NAPB: variants seen among roughly 807,000 people sequenced by gnomAD.
NAPB encodes NSF attachment protein beta.
A neutral mutation model predicts 44.7 loss-of-function variants in NAPB; 26 were observed. That is an observed-to-expected ratio of 0.58 (90% CI 0.43 to 0.81). The LOEUF (loss-of-function observed/expected upper bound fraction) is 0.81. Ranked by LOEUF, NAPB falls within the 30% of genes least tolerant of loss-of-function variation. NAPB has a pLI of 0.00. For synonymous variants in NAPB, 120 were observed against 116.8 expected (o/e 1.03, Z -0.18); for missense variants, 315 against 356.4 (o/e 0.88, Z 0.94).
intron 7 of NAPB, among the ~76,000 whole-genome samples, chr20:23,387,795 T>C (rs568381766): frequency 1.3e-5 from 2 of 152,338 alleles, no homozygotes; most frequent in South Asian, 2.1e-4. Flanking sequence ...CTTAGTATTG[T>C]TAAGATGGCA....
At chr20:23,394,224 A>G (rs1180228143) in intron 5 of NAPB, among the ~76,000 whole-genome samples, 3 of 152,138 alleles carry the variant, frequency 2.0e-5, no homozygotes, top group Non-Finnish European at 2.9e-5. Context: ...AGGTAGGGAG[A>G]GCAAAAGCAG....
chr20:23,407,481 A>AGAAGAAAACATTTTCCCCACCGTG (rs1441725908), intron 1 of NAPB, among the ~76,000 whole-genome samples: 2 of 152,178 alleles, frequency 1.3e-5, no homozygotes, highest in African/African-American at 4.8e-5. Flanking sequence ...CTGACTTGGA[A>AGAAGAAAACATTTTCCCCACCGTG]GAAGAAAACA....
chr20:23,421,210 G>A lies in NAPB; in HGVS notation c.98+95C>T. On this transcript the variant is annotated intron_variant, in intron 1 of 10. Coordinates refer to ENST00000377026, the MANE Select transcript of NAPB (RefSeq NM_022080.3). ...CCCTAGACGTGGTCTGAGGGCCCCAGAGGTTGCGTGGGGGACTCGGGGGGT... is the reference window on the plus strand; with the variant it reads ...CCCTAGACGTGGTCTGAGGGCCCCAAAGGTTGCGTGGGGGACTCGGGGGGT... 3 of 1,097,108 alleles carry A rather than the reference G, an allele frequency of 2.7e-6. No homozygotes were observed. In the South Asian group the frequency reaches 4.4e-5, roughly 16 times the overall value. The allele number at this position is 1,097,108 out of a possible 1,614,324, so 68.0% of individuals were successfully genotyped here.
intron 1 of NAPB, among the ~76,000 whole-genome samples, chr20:23,404,325 C>G (rs1013768493): frequency 6.6e-6 from 1 of 152,184 alleles, no homozygotes; most frequent in African/African-American, 2.4e-5. Flanking sequence ...CAGGTCAAGG[C>G]TGACACTGGA....
chr20:23,378,254 G>C (rs1222203527), intron 10 of NAPB, among the ~76,000 whole-genome samples: 1 of 151,752 alleles, frequency 6.6e-6, no homozygotes, highest in Admixed American at 6.6e-5. Context: ...AACCCAGGAG[G>C]TTGAGGGTGC....
intron 7 of NAPB, among the ~76,000 whole-genome samples, chr20:23,385,667 C>T (rs1983446641): frequency 6.6e-6 from 1 of 150,772 alleles, no homozygotes; most frequent in African/African-American, 2.4e-5. Flanking sequence ...GAGCTGAGAT[C>T]AAGTCACTGC....
intron 1 of NAPB, among the ~76,000 whole-genome samples, chr20:23,409,697 TTAGA>T (rs1293461595): frequency 3.3e-5 from 5 of 152,218 alleles, no homozygotes; most frequent in African/African-American, 7.2e-5. Context: ...TGGTGGCTGC[TTAGA>T]TAAATATATC....
chr20:23,395,321 G>A, intron 3 of NAPB, 136 bp from the exon 4 acceptor site: 1 of 787,598 alleles, frequency 1.3e-6, no homozygotes, highest in Middle Eastern at 3.3e-4. Context: ...AGGTTAATGA[G>A]AAGCAAACAA....
At position 23,408,647 on chromosome 20, in the gene NAPB, TA is replaced by T. The variant is rs577936603; in HGVS notation, c.99-5576del. Among the ~76,000 whole-genome samples, 25 of 152,342 alleles carry T rather than the reference TA, an allele frequency of 1.6e-4. No homozygotes were observed. The South Asian group carries it at 5.2e-3, about 32-fold the overall frequency. ...TCCAAGATTACTTTATTTCAGTGCTTAATATATTTTAAAACAGTACAAATCT... is the reference window on the plus strand; with the variant it reads ...TCCAAGATTACTTTATTTCAGTGCTTATATATTTTAAAACAGTACAAATCT... On this transcript the variant is annotated intron_variant, in intron 1 of 10. Coordinates refer to ENST00000377026, the MANE Select transcript of NAPB (RefSeq NM_022080.3).
At chr20:23,389,281 G>GA in intron 7 of NAPB, among the ~76,000 whole-genome samples, 1 of 146,618 alleles carries the variant, frequency 6.8e-6, no homozygotes, top group Middle Eastern at 3.6e-3. Context: ...AGGATGTGGA[G>GA]AAACTGGAAC....
At chr20:23,420,263 T>C (rs1306093536) in intron 1 of NAPB, among the ~76,000 whole-genome samples, 6 of 152,066 alleles carry the variant, frequency 3.9e-5, no homozygotes, top group Admixed American at 3.9e-4. Flanking sequence ...TTACAGGAAA[T>C]TAAAGGGATT....
chr20:23,394,994 C>A lies in NAPB; in HGVS notation c.348G>T (p.Arg116Ser). 6.2e-7 allele frequency: 1 copy of A among 1,614,130 alleles called. No individual in the cohort carries two copies. Residue 116 changes from arginine (R) to serine (S), a missense_variant, in exon 5 of 11, where the codon AGG becomes AGT. Physicochemically the swap from Arg to Ser is moderately radical, Grantham distance 110. This residue lies in a region of NAPB where 179 missense variants were observed against 182.5 expected (regional missense o/e 0.98). Coordinates refer to ENST00000377026, the MANE Select transcript of NAPB (RefSeq NM_022080.3). ...TGTGGTGCTTGGCTGCAATTGTAAA[C>A]CTTCCCTAGGGGAAAAAACAAGAAA... is the stretch of plus-strand genomic sequence containing the variant. The part of the protein sequence containing the change: ...AAIDIYTDMG[R>S]FTIAAKHHIT...
At chr20:23,383,157 A>AC (rs1983173269) in intron 7 of NAPB, among the ~76,000 whole-genome samples, 1 of 55,166 alleles carries the variant, frequency 1.8e-5, no homozygotes, top group African/African-American at 8.9e-5. Context: ...ACTCGGTCTC[A>AC]AAAAAAAAAA....
chr20:23,381,217 G>C lies in NAPB; in HGVS notation c.662C>G (p.Ala221Gly), dbSNP rs778142995. The change falls in exon 8 of 11, where the codon GCC becomes GGC. Residue 221 changes from alanine (A) to glycine (G), a missense_variant. This residue lies in a region of NAPB where 120 missense variants were observed against 130.5 expected (regional missense o/e 0.92). Coordinates refer to ENST00000377026, the MANE Select transcript of NAPB (RefSeq NM_022080.3). ...LCHFIVDELNAKLALEKYEEM... is the reference protein window; with the variant it reads ...LCHFIVDELNGKLALEKYEEM... ...CAATGCTGAAGAACTCCTTACCTTGGCATTCAACTCGTCTACTATGAAGTG... is the reference window on the plus strand; with the variant it reads ...CAATGCTGAAGAACTCCTTACCTTGCCATTCAACTCGTCTACTATGAAGTG... 4 of 1,608,800 alleles carry C rather than the reference G, an allele frequency of 2.5e-6. No individual in the cohort carries two copies. The highest frequency in any genetic ancestry group is 3.4e-6 in the Non-Finnish European group (4 of 1,175,366).
chr20:23,401,963 T>C (rs953111702), intron 2 of NAPB, among the ~76,000 whole-genome samples: 8 of 152,200 alleles, frequency 5.3e-5, no homozygotes, highest in Non-Finnish European at 1.2e-4. Context: ...ACTTTTTACT[T>C]ATAAGACCTG....
At chr20:23,386,489 A>T (rs192810295) in intron 7 of NAPB, among the ~76,000 whole-genome samples, 1 of 152,370 alleles carries the variant, frequency 6.6e-6, no homozygotes, top group Admixed American at 6.5e-5. Context: ...AGACACCACA[A>T]GAAAACTAAC....
chr20:23,392,220 CAT>C (rs1491391798), intron 5 of NAPB, among the ~76,000 whole-genome samples: 1 of 152,184 alleles, frequency 6.6e-6, no homozygotes, highest in Non-Finnish European at 1.5e-5. Flanking sequence ...GGTAATCTCA[CAT>C]GTGTGTACAT....
intron 5 of NAPB, among the ~76,000 whole-genome samples, chr20:23,393,736 T>TG (rs928826435): frequency 2.3e-4 from 35 of 152,154 alleles, no homozygotes; most frequent in African/African-American, 8.4e-4. Context: ...TATGTCTTCC[T>TG]GGGGGGCTAA....
intron 8 of NAPB, 48 bp downstream of exon 8, chr20:23,381,165 G>C: frequency 8.1e-7 from 1 of 1,233,182 alleles, no homozygotes; most frequent in South Asian, 1.2e-5. Context: ...GAATGTGTAC[G>C]TATTCTTATG....
Sources: allele counts gnomAD v4.1 joint callset (sites outside exome capture counted in the v4.1 genomes callset), GRCh38; gene constraint gnomAD v4.1.1; regional missense constraint gnomAD v4.1.1; transcripts MANE v1.5; gene names NCBI Gene and HGNC (gene_info 2026-07-23, HGNC 2026-07-21).